SPIDR: variants seen among roughly 807,000 people sequenced by gnomAD.
SPIDR encodes scaffold protein involved in DNA repair, also known as DNA repair-scaffolding protein.
SPIDR carries 93 observed loss-of-function variants against 104.6 expected under a neutral mutation model. The ratio of observed to expected loss-of-function variants is 0.89; its 90% CI spans 0.75 to 1.06. The LOEUF is 1.06. Ranked by LOEUF, SPIDR falls within the 50% of genes least tolerant of loss-of-function variation. The pLI is 0.00. For synonymous variants in SPIDR, 431 were observed against 416.9 expected (o/e 1.03, Z -0.41); for missense variants, 1,154 against 1,111.2 (o/e 1.04, Z -0.55).
At chr8:47,448,360 A>G (rs535629673) in intron 8 of SPIDR, among the ~76,000 whole-genome samples, 2 of 152,318 alleles carry the variant, frequency 1.3e-5, no homozygotes, top group East Asian at 3.9e-4. Flanking sequence ...TAATTGAATG[A>G]GACTTTGTTG....
intron 10 of SPIDR, among the ~76,000 whole-genome samples, chr8:47,621,515 CTT>C (rs2065170967): frequency 6.6e-6 from 1 of 152,314 alleles, no homozygotes; most frequent in African/African-American, 2.4e-5. Context: ...GCGCCTCTCT[CTT>C]GATGACCTGA....
chr8:47,446,600 T>A (rs898876615), intron 8 of SPIDR, among the ~76,000 whole-genome samples: 27 of 150,592 alleles, frequency 1.8e-4, no homozygotes, highest in Non-Finnish European at 3.6e-4. Flanking sequence ...TTTTTTTTTT[T>A]AAATGAGATG....
At chr8:47,704,247 A>T (rs144739957) in intron 14 of SPIDR, among the ~76,000 whole-genome samples, 121 of 152,356 alleles carry the variant, frequency 7.9e-4, no homozygotes, top group Admixed American at 1.6e-3. Flanking sequence ...ATTTTTTATT[A>T]TCAATACTTC....
intron 8 of SPIDR, among the ~76,000 whole-genome samples, chr8:47,486,913 C>G (rs1385717827): frequency 4.6e-5 from 7 of 152,128 alleles, no homozygotes; most frequent in Non-Finnish European, 7.3e-5. Flanking sequence ...ATTGTAAAGA[C>G]CATCAATGCT....
chr8:47,611,088 G>T (rs959716507), intron 10 of SPIDR, among the ~76,000 whole-genome samples: 3 of 152,228 alleles, frequency 2.0e-5, no homozygotes. Flanking sequence ...TGATTGAGCA[G>T]CTGAGAAGGT....
chr8:47,261,205 C>A lies in SPIDR; in HGVS notation c.33+214C>A, dbSNP rs558728100. On this transcript the variant is annotated intron_variant, in intron 1 of 19. Transcript: ENST00000297423. Reference sequence around the variant, plus strand: ...CCGGCTCCGGTCCAGGCGTGCGGGCCGGGCCCTCAGCGGCGGTACGGAAAG... The same window carrying A: ...CCGGCTCCGGTCCAGGCGTGCGGGCAGGGCCCTCAGCGGCGGTACGGAAAG... Among the ~76,000 whole-genome samples, 4 of 152,306 alleles carry A rather than the reference C, an allele frequency of 2.6e-5. No individual in the cohort carries two copies. In the East Asian group the frequency reaches 7.7e-4, roughly 29 times the overall value.
At chr8:47,296,459 G>T (rs2040856713) in intron 5 of SPIDR, among the ~76,000 whole-genome samples, 1 of 152,120 alleles carries the variant, frequency 6.6e-6, no homozygotes, top group Non-Finnish European at 1.5e-5. Context: ...TGAGATAAGG[G>T]TCTAATTTCT....
At chr8:47,647,390 G>A (rs1401125701) in intron 10 of SPIDR, among the ~76,000 whole-genome samples, 1 of 152,102 alleles carries the variant, frequency 6.6e-6, no homozygotes, top group African/African-American at 2.4e-5. Context: ...CGAGGTGGGT[G>A]GATCCCCTGA....
chr8:47,487,059 T>G (rs2077756841), intron 8 of SPIDR, among the ~76,000 whole-genome samples: 1 of 152,080 alleles, frequency 6.6e-6, no homozygotes, highest in Non-Finnish European at 1.5e-5. Flanking sequence ...GACTGGCAAA[T>G]TGGATAAACA....
chr8:47,592,897 G>GT (rs2061213446), intron 8 of SPIDR, among the ~76,000 whole-genome samples: 2 of 151,910 alleles, frequency 1.3e-5, no homozygotes, highest in East Asian at 1.9e-4. Flanking sequence ...TTTTTTGTTT[G>GT]TTTTTTGAAG....
intron 7 of SPIDR, among the ~76,000 whole-genome samples, chr8:47,430,509 T>C (rs1374731755): frequency 1.3e-5 from 2 of 150,422 alleles, no homozygotes; most frequent in Admixed American, 1.3e-4. Context: ...CTGGACTCTG[T>C]CAGTTCATTA....
At chr8:47,283,412 A>G (rs938737075) in intron 2 of SPIDR, among the ~76,000 whole-genome samples, 18 of 152,338 alleles carry the variant, frequency 1.2e-4, no homozygotes, top group African/African-American at 4.3e-4. Flanking sequence ...TAGTAATACC[A>G]GAGATCACTG....
At chr8:47,393,556 G>C (rs1298736286) in intron 5 of SPIDR, among the ~76,000 whole-genome samples, 1 of 151,948 alleles carries the variant, frequency 6.6e-6, no homozygotes, top group Non-Finnish European at 1.5e-5. Flanking sequence ...TCCTCTCTCT[G>C]CCTAATTAAT....
intron 10 of SPIDR, among the ~76,000 whole-genome samples, chr8:47,633,428 A>G (rs1191089859): frequency 6.6e-6 from 1 of 152,128 alleles, no homozygotes; most frequent in African/African-American, 2.4e-5. Flanking sequence ...CAGAAGCAAC[A>G]GGACCATGAA....
At chr8:47,274,606 C>T (rs1423702135) in intron 1 of SPIDR, among the ~76,000 whole-genome samples, 1 of 150,206 alleles carries the variant, frequency 6.7e-6, no homozygotes, top group Non-Finnish European at 1.5e-5. Flanking sequence ...GAGATGGAGT[C>T]TCGCTCTATC....
chr8:47,314,496 A>G (rs1554588078), intron 5 of SPIDR, among the ~76,000 whole-genome samples: 3 of 152,146 alleles, frequency 2.0e-5, no homozygotes, highest in African/African-American at 7.2e-5. Context: ...ACTTACAATC[A>G]TGGAGGAAGG....
intron 8 of SPIDR, among the ~76,000 whole-genome samples, chr8:47,587,826 A>G (rs1297095607): frequency 1.3e-5 from 2 of 150,768 alleles, no homozygotes; most frequent in Non-Finnish European, 3.0e-5. Flanking sequence ...AGTTGGGCAT[A>G]TTTGTGTAGT....
chr8:47,603,826 A>G (rs995829753), intron 10 of SPIDR, among the ~76,000 whole-genome samples: 1 of 152,236 alleles, frequency 6.6e-6, no homozygotes, highest in Non-Finnish European at 1.5e-5. Context: ...TCTTCAGACA[A>G]AAAGCTGGAG....
chr8:47,599,307 C>T (rs544543609), intron 10 of SPIDR, 111 bp downstream of exon 10: 17 of 1,400,702 alleles, frequency 1.2e-5, no homozygotes, highest in African/African-American at 1.1e-4. Flanking sequence ...TCACCATATA[C>T]GTGAGCTGTT....
Sources: gnomAD v4.1 joint callset for allele counts (sites outside exome capture counted in the v4.1 genomes callset) on GRCh38, gnomAD v4.1.1 for gene constraint, MANE v1.5 for transcripts, NCBI Gene and HGNC (gene_info 2026-07-23, HGNC 2026-07-21) for gene names.